TACC3: variants seen among roughly 807,000 people sequenced by gnomAD.
The protein encoded by TACC3 is transforming acidic coiled-coil-containing protein 3.
Under a neutral mutation model 86.0 loss-of-function variants are expected in TACC3, and 52 were observed. The ratio of observed to expected loss-of-function variants is 0.60; its 90% CI spans 0.48 to 0.76. TACC3 has a LOEUF of 0.76. TACC3 is among the 30% of genes least tolerant of loss of function. The probability of loss-of-function intolerance (pLI) is 0.00; values close to 1 mark genes in which losing one functional copy is unlikely to be tolerated. For missense variants in TACC3, 1,120 were observed against 1,070.4 expected, an observed-to-expected ratio of 1.05 and a Z score of -0.65; for synonymous variants, 512 against 430.0, an observed-to-expected ratio of 1.19 and a Z score of -2.36.
intron 13 of TACC3, among the ~76,000 whole-genome samples, chr4:1,743,447 T>C (rs531520779): frequency 6.7e-6 from 1 of 150,230 alleles, no homozygotes; most frequent in Non-Finnish European, 1.5e-5. Context: ...CAGCTACTTG[T>C]GAGGCTGAGG....
At chr4:1,743,988 G>C (rs528984813) in intron 13 of TACC3, among the ~76,000 whole-genome samples, 2 of 152,242 alleles carry the variant, frequency 1.3e-5, no homozygotes, top group East Asian at 3.9e-4. Flanking sequence ...AAGAAGGCAG[G>C]TAGGCTGAGC....
intron 12 of TACC3, 71 bp from the exon 13 acceptor site, chr4:1,740,755 C>A: frequency 6.9e-7 from 1 of 1,444,100 alleles, no homozygotes; most frequent in Non-Finnish European, 9.5e-7. Context: ...TGCCTCATTC[C>A]TTGGGCTGTC....
intron 10 of TACC3, chr4:1,739,312 A>C (rs2108713490): frequency 5.6e-6 from 1 of 179,696 alleles, no homozygotes; most frequent in East Asian, 1.4e-4. Context: ...TTGTCTCAAA[A>C]AAAAAAAAAG....
intron 4 of TACC3, chr4:1,730,261 A>G (rs751768683): frequency 8.2e-5 from 15 of 182,700 alleles, no homozygotes; most frequent in Non-Finnish European, 1.5e-4. Flanking sequence ...AGGATGGTCT[A>G]GATATGACCT....
At chr4:1,741,833 G>T in intron 13 of TACC3, 1 of 152,264 alleles carries the variant, frequency 6.6e-6, no homozygotes, top group Non-Finnish European at 1.5e-5. Context: ...ATACTCTAGG[G>T]AAGAAGGTAT....
In TACC3 at chr4:1,728,735, G is replaced by A. The variant is rs1717849003; in HGVS notation, c.1333G>A (p.Glu445Lys). 6.2e-7 allele frequency: 1 copy of A among 1,612,826 alleles called. No homozygotes were observed. The highest frequency in any genetic ancestry group is 8.5e-7 in the Non-Finnish European group (1 of 1,179,888). The change falls in exon 4 of 16, where the codon GAA becomes AAA. Residue 445 changes from glutamate to lysine, a missense_variant. Coordinates refer to ENST00000313288, the MANE Select transcript of TACC3 (RefSeq NM_006342.3). ...GACCAGGCTGGGCCAGCCAGCGGCT[G>A]AACAGTTGCATGCTGGGCCTGCCAC... ...PETRLGQPAAEQLHAGPATEE... is the reference protein window; with the variant it reads ...PETRLGQPAAKQLHAGPATEE...
In TACC3 at chr4:1,740,137, T is replaced by C. The variant is rs1718511029; in HGVS notation, c.2062+135T>C. The C allele has an allele frequency of 3.5e-6, 3 of 846,880 alleles. No individual in the cohort carries two copies. In the South Asian group the frequency reaches 4.9e-5, roughly 14 times the overall value. The allele number at this position is 846,880 out of a possible 1,614,324, so 52.5% of individuals were successfully genotyped here. ...TCCTAACACACGAGTCCCTTCAACA[T>C]GGGCCCGGCCGTGGAAGCACTGAGG... On this transcript the variant is annotated intron_variant, in intron 12 of 15. Coordinates refer to ENST00000313288, the MANE Select transcript of TACC3 (RefSeq NM_006342.3).
chr4:1,723,612 G>C (rs745629824), intron 2 of TACC3, 29 bp downstream of exon 2: 3 of 1,609,148 alleles, frequency 1.9e-6, no homozygotes, highest in Non-Finnish European at 1.7e-6. Flanking sequence ...GTGTGTGGCT[G>C]GCCAGGTTGC....
chr4:1,744,434 G>C (rs111290154), intron 13 of TACC3, 84 bp from the exon 14 acceptor site: 9 of 1,289,536 alleles, frequency 7.0e-6, no homozygotes, highest in Middle Eastern at 2.1e-4. Context: ...ACAGCCTCGA[G>C]GATCTGCAGG....
In TACC3 at chr4:1,730,953, A is replaced by C. The variant is rs1444491677; in HGVS notation, c.1452A>C (p.Ala484=). ...AGTTGGCAGCCGAGACCCCAACAGC[A>C]GAGAGCAAGGTAAGGGGTGCTTGTG... ...VVQLAAETPT[A]ESKERALNSA... Residue 484 remains alanine (A), a synonymous_variant, in exon 5 of 16, where the codon GCA becomes GCC. Coordinates refer to ENST00000313288, the MANE Select transcript of TACC3 (RefSeq NM_006342.3). 1 of 1,613,364 alleles carries C rather than the reference A, an allele frequency of 6.2e-7. No homozygotes were observed. Among genetic ancestry groups the C allele is most frequent in the East Asian group, 2.2e-5 (1 of 44,900 alleles).
At chr4:1,722,267 G>C (rs1340971576) in intron 1 of TACC3, among the ~76,000 whole-genome samples, 1 of 152,196 alleles carries the variant, frequency 6.6e-6, no homozygotes, top group East Asian at 1.9e-4. Context: ...AGCTCCTCCA[G>C]GCCGCCAGAA....
At chr4:1,730,463 T>C (rs948286758) in intron 4 of TACC3, 1 of 334,326 alleles carries the variant, frequency 3.0e-6, no homozygotes, top group African/African-American at 2.1e-5. Flanking sequence ...ATAACTATTC[T>C]TATTCTGTAT....
intron 6 of TACC3, among the ~76,000 whole-genome samples, chr4:1,733,797 G>A (rs1718120287): frequency 6.6e-6 from 1 of 152,186 alleles, no homozygotes; most frequent in Non-Finnish European, 1.5e-5. Context: ...GGCCAACATG[G>A]TGAAACCTCA....
intron 14 of TACC3, 39 bp from the exon 15 acceptor site, chr4:1,744,673 G>C (rs757067893): frequency 1.9e-6 from 3 of 1,612,174 alleles, no homozygotes; most frequent in Non-Finnish European, 2.5e-6. Context: ...TGAGCACCTG[G>C]GCCCCAGCTC....
At chr4:1,727,604 T>A in intron 3 of TACC3, 104 bp from the exon 4 acceptor site, 6 of 1,505,630 alleles carry the variant, frequency 4.0e-6, no homozygotes, top group Non-Finnish European at 5.3e-6. Context: ...GACTCAGCCC[T>A]GCTTCTGGTG....
intron 8 of TACC3, among the ~76,000 whole-genome samples, chr4:1,736,735 C>G (rs1718286218): frequency 6.6e-6 from 1 of 152,056 alleles, no homozygotes; most frequent in Admixed American, 6.6e-5. Context: ...ATAGTGAACC[C>G]CCATCTCTAC....
At chr4:1,741,990 G>A (rs1214658629) in intron 13 of TACC3, 4 of 152,276 alleles carry the variant, frequency 2.6e-5, no homozygotes, top group Admixed American at 2.6e-4. Flanking sequence ...AGCTACTAGG[G>A]AGGCTGAGGT....
chr4:1,723,549 ATG>A lies in TACC3; in HGVS notation c.131_132del (p.Val44AlafsTer29). The A allele has an allele frequency of 6.2e-7, 1 of 1,613,660 alleles. No individual in the cohort carries two copies. Among genetic ancestry groups the A allele is most frequent in the South Asian group, 1.1e-5 (1 of 91,084 alleles). On this transcript the variant is annotated frameshift_variant, in exon 2 of 16. Coordinates refer to ENST00000313288, the MANE Select transcript of TACC3 (RefSeq NM_006342.3). LOFTEE classifies it high-confidence loss of function. ...GTTCTTCGTGTGTCACAGAAAGAAA[ATG>A]TGCCACCCAAGAACCTGGCCAAAGC... is the stretch of plus-strand genomic sequence containing the variant.
Position 1,727,951 on chromosome 4 carries a change from G to A in TACC3, c.549G>A (p.Glu183=). 2 of 1,613,784 alleles carry A rather than the reference G, an allele frequency of 1.2e-6. No individual in the cohort carries two copies. Among genetic ancestry groups the A allele is most frequent in the South Asian group, 2.2e-5 (2 of 91,092 alleles). ...CTGGCAGCCCTGAGCAAGCCGTGGA[G>A]GAAAACCTTAGTTCCTATTCCTTAG... is the stretch of plus-strand genomic sequence containing the variant. The part of the protein sequence containing the change: ...KVSGSPEQAV[E]ENLSSYSLDR... The change falls in exon 4 of 16, where the codon GAG becomes GAA. Residue 183 remains glutamate (E), a synonymous_variant. Coordinates refer to ENST00000313288, the MANE Select transcript of TACC3 (RefSeq NM_006342.3).
Sources: allele counts gnomAD v4.1 joint callset (sites outside exome capture counted in the v4.1 genomes callset), GRCh38; gene constraint gnomAD v4.1.1; transcripts MANE v1.5; gene names NCBI Gene and HGNC (gene_info 2026-07-23, HGNC 2026-07-21).